The following STK32B variants were observed in gnomAD, a reference collection of about 807,000 sequenced individuals.
The protein encoded by STK32B is serine/threonine-protein kinase 32B.
STK32B carries 43 observed loss-of-function variants against 52.6 expected under a neutral mutation model. That is an observed-to-expected ratio of 0.82 (90% CI 0.64 to 1.05). The LOEUF is 1.05. Among genes scored for constraint, STK32B ranks in the 50% least tolerant of loss-of-function variants. The pLI is 0.00. For missense variants in STK32B, 621 were observed against 534.6 expected (o/e 1.16, Z -1.59); for synonymous variants, 238 against 204.3 (o/e 1.17, Z -1.41).
intron 1 of STK32B, among the ~76,000 whole-genome samples, chr4:5,052,177 G>A (rs1376678774): frequency 1.3e-5 from 2 of 152,202 alleles, no homozygotes; most frequent in Non-Finnish European, 2.9e-5. Flanking sequence ...AGTTGAACCC[G>A]AAACCTGCAC....
At chr4:5,298,386 G>A (rs1361593592) in intron 3 of STK32B, among the ~76,000 whole-genome samples, 1 of 152,144 alleles carries the variant, frequency 6.6e-6, no homozygotes, top group East Asian at 1.9e-4. Context: ...TGCGCCCATA[G>A]CCACCCCTTC....
Position 5,452,279 on chromosome 4 carries a change from G to A in STK32B, c.667-4528G>A, listed in dbSNP as rs139231804. On this transcript the variant is annotated intron_variant, in intron 7 of 11. Coordinates refer to ENST00000282908, the MANE Select transcript of STK32B (RefSeq NM_018401.3). ...GTTGAGGGTACAGAGAGGCCAGCGAGTGGAGGGAGGTTGCCCAGAGCTCCG... is the reference window on the plus strand; with the variant it reads ...GTTGAGGGTACAGAGAGGCCAGCGAATGGAGGGAGGTTGCCCAGAGCTCCG... Among the ~76,000 whole-genome samples the A allele has an allele frequency of 1.8e-3, 281 of 152,302 alleles. 1 individual carries two copies. Among genetic ancestry groups the A allele is most frequent in the Middle Eastern group, 3.4e-3 (1 of 294 alleles).
chr4:5,080,010 A>G (rs1479677716), intron 1 of STK32B, among the ~76,000 whole-genome samples: 1 of 151,398 alleles, frequency 6.6e-6, no homozygotes, highest in African/African-American at 2.4e-5. Context: ...ACTTTCCCAT[A>G]TAAGATCAAA....
chr4:5,053,334 G>T (rs1741862619), intron 1 of STK32B, among the ~76,000 whole-genome samples: 2 of 152,162 alleles, frequency 1.3e-5, no homozygotes, highest in Non-Finnish European at 2.9e-5. Context: ...CAGGTAAGGA[G>T]CCAGTTGTGG....
rs13119597 is a variant in STK32B at position 5,203,172 on chromosome 4, A to G, written c.260+34722A>G. 6.3e-3 allele frequency among the ~76,000 whole-genome samples: 965 copies of G among 152,350 alleles called. 3 individuals are homozygous for G. Among genetic ancestry groups the G allele is most frequent in the Non-Finnish European group, 0.01 (710 of 68,030 alleles). On this transcript the variant is annotated intron_variant, in intron 3 of 11. Coordinates refer to ENST00000282908, the MANE Select transcript of STK32B (RefSeq NM_018401.3). ...TGAGTAAATAAAATAATGTATAAATAGTGCAGCCTACTTAGGACACAAGTG... is the reference window on the plus strand; with the variant it reads ...TGAGTAAATAAAATAATGTATAAATGGTGCAGCCTACTTAGGACACAAGTG...
chr4:5,177,380 A>G (rs1424437623), intron 3 of STK32B, among the ~76,000 whole-genome samples: 2 of 152,182 alleles, frequency 1.3e-5, no homozygotes, highest in Non-Finnish European at 2.9e-5. Context: ...TCATGATTTA[A>G]TTGCCTCCCA....
At chr4:5,166,887 T>A (rs956430495) in intron 2 of STK32B, among the ~76,000 whole-genome samples, 6 of 152,072 alleles carry the variant, frequency 3.9e-5, no homozygotes, top group Admixed American at 3.9e-4. Context: ...CTCCTCGGCG[T>A]GTTGGGAAGA....
In STK32B at chr4:5,397,779, C is replaced by T. The variant is rs139816053; in HGVS notation, c.435-428C>T. Reference sequence around the variant, plus strand: ...GCCAAGAGCCGTAGTTTGCCCATCTCTGACCATGACAACTTCCAAACCCTC... The same window carrying T: ...GCCAAGAGCCGTAGTTTGCCCATCTTTGACCATGACAACTTCCAAACCCTC... On this transcript the variant is annotated intron_variant, in intron 4 of 11. Transcript: ENST00000282908. Among the ~76,000 whole-genome samples, 5 of 152,358 alleles carry T rather than the reference C, an allele frequency of 3.3e-5. No homozygotes were observed. The East Asian group carries it at 9.7e-4, about 29-fold the overall frequency.
intron 3 of STK32B, among the ~76,000 whole-genome samples, chr4:5,205,703 CGT>C (rs71169688): frequency 0.37 from 51,505 of 140,860 alleles, 9,192 homozygotes; most frequent in East Asian, 0.5. Context: ...GGCGCGCGCG[CGT>C]GTGTGTGTGT....
chr4:5,211,403 T>C (rs562401849), intron 3 of STK32B, among the ~76,000 whole-genome samples: 3 of 152,042 alleles, frequency 2.0e-5, no homozygotes, highest in Admixed American at 6.5e-5. Flanking sequence ...CAGCTACCAC[T>C]TGGGGAGAAA....
intron 3 of STK32B, among the ~76,000 whole-genome samples, chr4:5,268,116 T>C (rs1303088255): frequency 6.6e-6 from 1 of 152,218 alleles, no homozygotes; most frequent in Non-Finnish European, 1.5e-5. Flanking sequence ...AGCCAACTTC[T>C]CTGAGGTTTG....
At chr4:5,084,304 G>C (rs1180688101) in intron 1 of STK32B, among the ~76,000 whole-genome samples, 2 of 152,202 alleles carry the variant, frequency 1.3e-5, no homozygotes, top group African/African-American at 4.8e-5. Flanking sequence ...ATCTCTGTGT[G>C]TGTTTTGCTG....
chr4:5,409,037 C>T (rs1215434682), intron 5 of STK32B, among the ~76,000 whole-genome samples: 4 of 152,148 alleles, frequency 2.6e-5, no homozygotes, highest in South Asian at 2.1e-4. Flanking sequence ...CAACTGTTTA[C>T]ACCACGGATG....
At chr4:5,324,307 T>C (rs1251738317) in intron 3 of STK32B, among the ~76,000 whole-genome samples, 10 of 152,002 alleles carry the variant, frequency 6.6e-5, no homozygotes, top group African/African-American at 1.9e-4. Context: ...TGAGCCAAGA[T>C]TGCACCACTG....
Position 5,354,584 on chromosome 4 carries a change from C to T in STK32B, c.434+23191C>T, listed in dbSNP as rs141577008. Reference sequence around the variant, plus strand: ...CTGGCCCCAATGGAAGGTGTGAGTTCTAATGCTCCATAGCAGAGAAGGGTG... The same window carrying T: ...CTGGCCCCAATGGAAGGTGTGAGTTTTAATGCTCCATAGCAGAGAAGGGTG... On this transcript the variant is annotated intron_variant, in intron 4 of 11. Coordinates refer to ENST00000282908, the MANE Select transcript of STK32B (RefSeq NM_018401.3). Among the ~76,000 whole-genome samples the T allele has an allele frequency of 7.0e-3, 1,073 of 152,278 alleles. 8 individuals carry two copies. Among genetic ancestry groups the T allele is most frequent in the African/African-American group, 0.025 (1,023 of 41,570 alleles).
chr4:5,267,364 C>T (rs931151806), intron 3 of STK32B, among the ~76,000 whole-genome samples: 10 of 152,142 alleles, frequency 6.6e-5, no homozygotes, highest in Non-Finnish European at 1.5e-4. Flanking sequence ...GATGCTTTTA[C>T]CTGCCCCTCC....
intron 4 of STK32B, among the ~76,000 whole-genome samples, chr4:5,351,134 G>T (rs2108985334): frequency 6.6e-6 from 1 of 152,040 alleles, no homozygotes; most frequent in East Asian, 1.9e-4. Context: ...AAGACCAAAA[G>T]GACCTACCAG....
intron 8 of STK32B, among the ~76,000 whole-genome samples, chr4:5,458,316 A>G (rs1412838136): frequency 2.0e-5 from 3 of 152,166 alleles, no homozygotes; most frequent in Non-Finnish European, 2.9e-5. Context: ...GTTGGCACCC[A>G]GTTGTTTTTA....
intron 3 of STK32B, among the ~76,000 whole-genome samples, chr4:5,245,725 C>T (rs1298014631): frequency 2.0e-5 from 3 of 152,122 alleles, no homozygotes; most frequent in African/African-American, 7.2e-5. Context: ...TGTTCCTTTC[C>T]ATGTTTAGTG....
Sources: allele counts gnomAD v4.1 joint callset (sites outside exome capture counted in the v4.1 genomes callset), GRCh38; gene constraint gnomAD v4.1.1; transcripts MANE v1.5; gene names NCBI Gene and HGNC (gene_info 2026-07-23, HGNC 2026-07-21).